Variants in NBPF11 observed in about 807,000 individuals in gnomAD.
NBPF11 encodes the protein NBPF family member NBPF11.
In NBPF11, 72 loss-of-function variants were observed where a neutral mutation model predicts 93.9. That is an observed-to-expected ratio of 0.77 (90% CI 0.63 to 0.93). The LOEUF (loss-of-function observed/expected upper bound fraction) is 0.93. NBPF11 is among the 40% of genes least tolerant of loss of function. The probability of loss-of-function intolerance (pLI) is 0.00; values close to 1 mark genes in which losing one functional copy is unlikely to be tolerated. For missense variants in NBPF11, 705 were observed against 802.2 expected, an observed-to-expected ratio of 0.88 and a Z score of 1.46; for synonymous variants, 224 against 304.9, an observed-to-expected ratio of 0.73 and a Z score of 2.76.
In NBPF11 at chr1:148,104,083, A is replaced by G. The variant is rs1232963678; in HGVS notation, c.2582-171T>C. 2.7e-5 allele frequency among the ~76,000 whole-genome samples: 4 copies of G among 148,990 alleles called. No individual in the cohort carries two copies. In the South Asian group the frequency reaches 6.4e-4, roughly 24 times the overall value. Reference sequence around the variant, plus strand: ...TTGGGATAGAACAGGGCCAGGTAGAAAACAATGAAAGAGAAAGACAGAGAG... The same window carrying G: ...TTGGGATAGAACAGGGCCAGGTAGAGAACAATGAAAGAGAAAGACAGAGAG... On this transcript the variant is annotated intron_variant, in intron 23 of 23. Coordinates refer to ENST00000682118, the MANE Select transcript of NBPF11 (RefSeq NM_001385469.3).
At chr1:148,141,966 AG>A (rs1348838300) in intron 2 of NBPF11, among the ~76,000 whole-genome samples, 4 of 148,136 alleles carry the variant, frequency 2.7e-5, no homozygotes, top group African/African-American at 7.5e-5. Flanking sequence ...AGAGAGAGAA[AG>A]AAAAAGAAGA....
At chr1:148,133,547 AG>A (rs1287112691) in intron 4 of NBPF11, among the ~76,000 whole-genome samples, 1 of 152,084 alleles carries the variant, frequency 6.6e-6, no homozygotes, top group Non-Finnish European at 1.5e-5. Context: ...TCATGAAAAA[AG>A]TTTTCAATTT....
At position 148,102,372 on chromosome 1, in the gene NBPF11, T is replaced by C. The variant is rs1313094226; in HGVS notation, c.*1524A>G. The C allele has an allele frequency of 6.6e-6, 1 of 151,860 alleles. No homozygotes were observed. The highest frequency in any genetic ancestry group is 1.5e-5 in the Non-Finnish European group (1 of 68,026). 9.4% of individuals were successfully genotyped at this position (151,860 alleles called of 1,614,324 possible). ...GATAAAATGTTTAGAGGATGATCAT[T>C]AGAATACAGGATATTTATACTCTTG... On this transcript the variant is annotated 3_prime_UTR_variant, in exon 24 of 24. Transcript: ENST00000682118.
chr1:148,132,723 C>CTTTT (rs796172565), intron 4 of NBPF11, among the ~76,000 whole-genome samples: 1 of 33,224 alleles, frequency 3.0e-5, no homozygotes, highest in Non-Finnish European at 6.4e-5. Flanking sequence ...GTTGACTTTC[C>CTTTT]TTTTTTTTTT....
chr1:148,125,899 A>C (rs1180448668), intron 5 of NBPF11, among the ~76,000 whole-genome samples: 9 of 151,994 alleles, frequency 5.9e-5, no homozygotes, highest in Non-Finnish European at 1.0e-4. Flanking sequence ...CTCGGGTGTG[A>C]TCTTTCTTCC....
At position 148,103,909 on chromosome 1, in the gene NBPF11, G is replaced by A. The variant is rs1662882075; in HGVS notation, c.2585C>T (p.Ser862Leu). The A allele has an allele frequency of 1.1e-5, 18 of 1,610,954 alleles. No homozygotes were observed. In the South Asian group the frequency reaches 1.8e-4, roughly 16 times the overall value. Reference sequence around the variant, plus strand: ...CTTCCACTTCCATCAGCACGCTGCTGAGCCTGGAAAAGGAGACAAAACTAA... The same window carrying A: ...CTTCCACTTCCATCAGCACGCTGCTAAGCCTGGAAAAGGAGACAAAACTAA... ...KKIKTHHAPG[S>L]AAC Residue 862 changes from serine to leucine, a missense_variant, in exon 24 of 24, where the codon TCA becomes TTA. Physicochemically the swap from Ser to Leu is moderately radical, Grantham distance 145 (BLOSUM62 -2). Coordinates refer to ENST00000682118, the MANE Select transcript of NBPF11 (RefSeq NM_001385469.3).
intron 4 of NBPF11, among the ~76,000 whole-genome samples, chr1:148,129,208 A>C (rs1218824388): frequency 6.9e-6 from 1 of 145,814 alleles, no homozygotes; most frequent in Non-Finnish European, 1.5e-5. Context: ...AAATATATAT[A>C]CACACACGAA....
Position 148,108,511 on chromosome 1 carries a change from T to A in NBPF11, c.1997A>T (p.Gln666Leu), listed in dbSNP as rs1258915850. The change falls in exon 18 of 24, where the codon CAG becomes CTG. Residue 666 changes from glutamine (Q) to leucine (L), a missense_variant. Physicochemically the swap from Gln to Leu is moderately radical, Grantham distance 113 (BLOSUM62 -2). Coordinates refer to ENST00000682118, the MANE Select transcript of NBPF11 (RefSeq NM_001385469.3). Reference sequence around the variant, plus strand: ...CATGTCAACAGCCAAGCCAATACGCTGTTGCTCCAATACGTAAAAGGCACT... The same window carrying A: ...CATGTCAACAGCCAAGCCAATACGCAGTTGCTCCAATACGTAAAAGGCACT... Reference protein sequence around the residue: ...YRSAFYVLEQQRIGLAVDMDE... With the variant: ...YRSAFYVLEQLRIGLAVDMDE... The A allele has an allele frequency of 1.8e-5, 28 of 1,595,266 alleles. No homozygotes were observed. The East Asian group carries it at 6.0e-4, about 34-fold the overall frequency.
chr1:148,149,197 G>C, intron 1 of NBPF11: 1 of 1,568,744 alleles, frequency 6.4e-7, no homozygotes, highest in East Asian at 2.3e-5. Context: ...TCCTGTACGG[G>C]CAGAGCATCG....
chr1:148,141,494 A>G (rs1672160801), intron 2 of NBPF11, among the ~76,000 whole-genome samples: 1 of 152,074 alleles, frequency 6.6e-6, no homozygotes, highest in Non-Finnish European at 1.5e-5. Flanking sequence ...TTTAATTAGG[A>G]TGCAGCAGCC....
At chr1:148,119,898 C>T (rs1420956251) in intron 10 of NBPF11, among the ~76,000 whole-genome samples, 63 of 152,134 alleles carry the variant, frequency 4.1e-4, no homozygotes, top group Non-Finnish European at 6.2e-4. Context: ...TCGTGCTCTA[C>T]CCGCCTCAGC....
At chr1:148,129,383 G>T (rs1191846798) in intron 4 of NBPF11, 2 of 150,824 alleles carry the variant, frequency 1.3e-5, no homozygotes, top group Non-Finnish European at 3.0e-5. Context: ...TCGTGGCGAG[G>T]AGGACAGCAC....
intron 2 of NBPF11, among the ~76,000 whole-genome samples, chr1:148,141,968 A>AAAAAG (rs59842932): frequency 6.7e-6 from 1 of 149,272 alleles, no homozygotes; most frequent in Non-Finnish European, 1.5e-5. Context: ...AGAGAGAAAG[A>AAAAAG]AAAAGAAGAA....
intron 14 of NBPF11, among the ~76,000 whole-genome samples, chr1:148,115,162 C>CGCAAAAAAA (rs1666177688): frequency 3.3e-4 from 5 of 15,178 alleles, no homozygotes; most frequent in African/African-American, 5.1e-4. Flanking sequence ...AGGACTCCAT[C>CGCAAAAAAA]ACAAAAAAAA....
chr1:148,123,135 C>T (rs1268371598), intron 7 of NBPF11, among the ~76,000 whole-genome samples: 2 of 152,062 alleles, frequency 1.3e-5, no homozygotes, highest in Non-Finnish European at 2.9e-5. Flanking sequence ...GGCTTGGTGT[C>T]CTGTCACAGT....
chr1:148,147,688 G>A (rs1673409011), intron 1 of NBPF11, among the ~76,000 whole-genome samples: 1 of 152,004 alleles, frequency 6.6e-6, no homozygotes, highest in Non-Finnish European at 1.5e-5. Context: ...CCCTAGGGAG[G>A]TGGGGTCGTC....
intron 1 of NBPF11, among the ~76,000 whole-genome samples, chr1:148,151,105 C>G (rs1435816481): frequency 2.0e-5 from 3 of 151,840 alleles, no homozygotes; most frequent in African/African-American, 7.3e-5. Context: ...TCTAAGAAGC[C>G]TCAAAGAAAG....
Position 148,143,400 on chromosome 1 carries a change from C to A in NBPF11, c.-277+15G>T, listed in dbSNP as rs1347174074. On this transcript the variant is annotated intron_variant, in intron 2 of 23. Transcript: ENST00000682118. The stretch of plus-strand genomic sequence containing the variant: ...CTCTGACCCCATCGAGCTGGCAATG[C>A]CTCAGGATTTTTACCTGTTGGATCT... 14 of 844,948 alleles carry A rather than the reference C, an allele frequency of 1.7e-5. No homozygotes were observed. The East Asian group carries it at 4.9e-4, about 29-fold the overall frequency. The allele number at this position is 844,948 out of a possible 1,614,324, so 52.3% of individuals were successfully genotyped here.
intron 5 of NBPF11, among the ~76,000 whole-genome samples, chr1:148,126,094 G>C (rs2149250012): frequency 6.6e-6 from 1 of 152,012 alleles, no homozygotes; most frequent in Admixed American, 6.5e-5. Context: ...TCTGCCTGCT[G>C]GGTTCAAAGG....
Sources: gnomAD v4.1 joint callset for allele counts (sites outside exome capture counted in the v4.1 genomes callset) on GRCh38, gnomAD v4.1.1 for gene constraint, MANE v1.5 for transcripts, NCBI Gene and HGNC (gene_info 2026-07-23, HGNC 2026-07-21) for gene names.